Variants in TOR1AIP1 observed in about 807,000 individuals in gnomAD.
TOR1AIP1 encodes torsin 1A interacting protein 1, also known as torsin-1A-interacting protein 1.
Under a neutral mutation model 63.3 loss-of-function variants are expected in TOR1AIP1, and 54 were observed. The ratio of observed to expected loss-of-function variants is 0.85; its 90% CI spans 0.69 to 1.07. The LOEUF (loss-of-function observed/expected upper bound fraction) is 1.07. Ranked by LOEUF, TOR1AIP1 falls within the 50% of genes least tolerant of loss-of-function variation. TOR1AIP1 has a pLI of 0.00. For synonymous variants in TOR1AIP1, 294 were observed against 273.5 expected (o/e 1.07, Z -0.74); for missense variants, 736 against 715.0 (o/e 1.03, Z -0.33).
intron 8 of TOR1AIP1, 100 bp downstream of exon 8, chr1:179,908,773 G>A (rs1475482550): frequency 1.4e-5 from 14 of 982,206 alleles, no homozygotes; most frequent in Non-Finnish European, 1.7e-5. Flanking sequence ...TAGGTTGTTT[G>A]TGATTTCACT....
Position 179,882,837 on chromosome 1 carries a change from G to C in TOR1AIP1, c.335G>C (p.Arg112Thr), listed in dbSNP as rs769814347. The change falls in exon 1 of 10, where the codon AGG (arginine) becomes ACG (threonine). Residue 112 changes from arginine to threonine, a missense_variant. Arg to Thr is a moderately conservative substitution (Grantham distance 71). Around this residue, in one of 2 missense-constraint regions of TOR1AIP1, gnomAD observed 464 missense variants for 371.0 expected, o/e 1.25. Transcript: ENST00000606911. Reference sequence around the variant, plus strand: ...TACTACCTTCGGTCTAGGCAGCGGAGGCAGCCGCGACCCCAGGAAACCGAG... The same window carrying C: ...TACTACCTTCGGTCTAGGCAGCGGACGCAGCCGCGACCCCAGGAAACCGAG... ...SAYYLRSRQR[R>T]QPRPQETEEM... The C allele has an allele frequency of 8.1e-6, 13 of 1,614,218 alleles. No individual in the cohort carries two copies. Among genetic ancestry groups the C allele is most frequent in the South Asian group, 1.1e-5 (1 of 91,082 alleles).
intron 3 of TOR1AIP1, among the ~76,000 whole-genome samples, chr1:179,889,827 A>G (rs1171378128): frequency 6.6e-6 from 1 of 151,854 alleles, no homozygotes; most frequent in Non-Finnish European, 1.5e-5. Context: ...TGATTTTTGT[A>G]TCTTTTGTAG....
rs915169442 is a variant in TOR1AIP1 at position 179,898,901 on chromosome 1, GTTT to G, written c.611-1216_611-1214del. 8.5e-4 allele frequency among the ~76,000 whole-genome samples: 125 copies of G among 146,828 alleles called. 1 individual carries two copies. Among genetic ancestry groups the G allele is most frequent in the African/African-American group, 3.0e-3 (122 of 40,352 alleles). ...GTTATCAGCAGTTTTCTCTGGGTTAGTTTTTTTTTTTAAATAAAAAAATGTTGG... is the reference window on the plus strand; with the variant it reads ...GTTATCAGCAGTTTTCTCTGGGTTAGTTTTTTTTAAATAAAAAAATGTTGG... On this transcript the variant is annotated intron_variant, in intron 3 of 9. Transcript: ENST00000606911.
intron 3 of TOR1AIP1, among the ~76,000 whole-genome samples, chr1:179,892,240 G>T (rs1352784986): frequency 1.3e-5 from 2 of 152,176 alleles, no homozygotes; most frequent in Non-Finnish European, 2.9e-5. Flanking sequence ...GGGAGGCTGA[G>T]GTGGGCAGAT....
At chr1:179,888,375 A>C (rs1031636089) in intron 2 of TOR1AIP1, among the ~76,000 whole-genome samples, 3 of 152,154 alleles carry the variant, frequency 2.0e-5, no homozygotes, top group African/African-American at 7.2e-5. Flanking sequence ...GACTCAAGCT[A>C]TCATCCTCCT....
chr1:179,914,971 A>G (rs1648947467), intron 9 of TOR1AIP1, among the ~76,000 whole-genome samples: 1 of 152,278 alleles, frequency 6.6e-6, no homozygotes, highest in African/African-American at 2.4e-5. Flanking sequence ...ATATGTATTA[A>G]TTTATTTTAA....
At chr1:179,898,036 G>T (rs1433455101) in intron 3 of TOR1AIP1, among the ~76,000 whole-genome samples, 1 of 151,954 alleles carries the variant, frequency 6.6e-6, no homozygotes, top group Non-Finnish European at 1.5e-5. Flanking sequence ...TGGGAGGGAG[G>T]GGTTGCAGTG....
chr1:179,889,689 C>G (rs72708653), intron 3 of TOR1AIP1, among the ~76,000 whole-genome samples: 3 of 148,570 alleles, frequency 2.0e-5, no homozygotes, highest in Non-Finnish European at 3.0e-5. Context: ...AGATCTCGCT[C>G]TGTCATCCAG....
intron 3 of TOR1AIP1, among the ~76,000 whole-genome samples, chr1:179,892,405 A>C (rs1303027027): frequency 1.3e-5 from 2 of 151,988 alleles, no homozygotes; most frequent in East Asian, 3.9e-4. Flanking sequence ...CCCAGGATGC[A>C]GAGGTTGCAG....
At chr1:179,885,630 T>C (rs1411071096) in intron 2 of TOR1AIP1, among the ~76,000 whole-genome samples, 1 of 152,258 alleles carries the variant, frequency 6.6e-6, no homozygotes, top group African/African-American at 2.4e-5. Flanking sequence ...CTTATTTACC[T>C]GTTTCTAATA....
At chr1:179,887,370 G>A (rs1571722243) in intron 2 of TOR1AIP1, among the ~76,000 whole-genome samples, 2 of 152,184 alleles carry the variant, frequency 1.3e-5, no homozygotes, top group South Asian at 4.1e-4. Context: ...CTGCACTCCA[G>A]CCTGGGTGAT....
At chr1:179,900,058 T>C in intron 3 of TOR1AIP1, 68 bp from the exon 4 acceptor site, 1 of 1,237,422 alleles carries the variant, frequency 8.1e-7, no homozygotes, top group South Asian at 1.3e-5. Context: ...CCTAAGCTTT[T>C]GTTTATTCCT....
At chr1:179,891,895 C>T (rs1382731536) in intron 3 of TOR1AIP1, among the ~76,000 whole-genome samples, 1 of 152,032 alleles carries the variant, frequency 6.6e-6, no homozygotes, top group African/African-American at 2.4e-5. Flanking sequence ...GAATTCGATA[C>T]GTTGTTCACG....
chr1:179,890,639 C>G (rs1648041244), intron 3 of TOR1AIP1, among the ~76,000 whole-genome samples: 1 of 152,116 alleles, frequency 6.6e-6, no homozygotes, highest in Non-Finnish European at 1.5e-5. Context: ...TCACTCTCAC[C>G]CAGGCTGGAG....
intron 3 of TOR1AIP1, among the ~76,000 whole-genome samples, chr1:179,898,869 A>G (rs1648363524): frequency 1.3e-5 from 2 of 152,102 alleles, no homozygotes; most frequent in Admixed American, 1.3e-4. Context: ...TTTAAGAGTA[A>G]CATGGTGTTA....
intron 3 of TOR1AIP1, among the ~76,000 whole-genome samples, chr1:179,891,025 T>G (rs558589320): frequency 2.0e-5 from 3 of 152,318 alleles, no homozygotes; most frequent in Middle Eastern, 3.4e-3. Flanking sequence ...TATGTCAGTT[T>G]GTGGGGACCC....
chr1:179,885,382 T>C (rs375821158), intron 2 of TOR1AIP1, among the ~76,000 whole-genome samples: 2 of 152,208 alleles, frequency 1.3e-5, no homozygotes, highest in African/African-American at 4.8e-5. Context: ...TTTAAAAAAA[T>C]TGTCAGAATC....
chr1:179,906,479 C>T (rs908017214), intron 6 of TOR1AIP1, among the ~76,000 whole-genome samples: 1 of 151,976 alleles, frequency 6.6e-6, no homozygotes, highest in East Asian at 1.9e-4. Context: ...TGAAAATTTA[C>T]CTTGTTATAA....
intron 3 of TOR1AIP1, among the ~76,000 whole-genome samples, chr1:179,893,934 AG>A (rs1648184366): frequency 6.6e-6 from 1 of 152,196 alleles, no homozygotes; most frequent in Non-Finnish European, 1.5e-5. Context: ...TTATAAAAAA[AG>A]TTTGCTGACC....
Sources: gnomAD v4.1 joint callset for allele counts (sites outside exome capture counted in the v4.1 genomes callset) on GRCh38, gnomAD v4.1.1 for gene constraint, gnomAD v4.1.1 regional missense constraint, MANE v1.5 for transcripts, NCBI Gene and HGNC (gene_info 2026-07-23, HGNC 2026-07-21) for gene names.